CDIN1: variants seen among roughly 807,000 people sequenced by gnomAD.
The protein encoded by CDIN1 is CDAN1 interacting nuclease 1.
In CDIN1, 33 loss-of-function variants were observed where a neutral mutation model predicts 45.3. That is an observed-to-expected ratio of 0.73 (90% CI 0.55 to 0.97). The LOEUF is 0.97. Among genes scored for constraint, CDIN1 ranks in the 50% least tolerant of loss-of-function variants. The pLI is 0.00. For synonymous variants in CDIN1, 118 were observed against 124.4 expected (o/e 0.95, Z 0.34); for missense variants, 303 against 339.4 (o/e 0.89, Z 0.84).
intron 1 of CDIN1, among the ~76,000 whole-genome samples, chr15:36,601,728 C>G (rs1326268058): frequency 6.6e-6 from 1 of 152,210 alleles, no homozygotes; most frequent in African/African-American, 2.4e-5. Flanking sequence ...TTGGCCTTCT[C>G]TGGGACTGGA....
intron 10 of CDIN1, among the ~76,000 whole-genome samples, chr15:36,800,750 G>A (rs761208823): frequency 2.0e-5 from 3 of 148,492 alleles, no homozygotes; most frequent in African/African-American, 4.9e-5. Context: ...TGAAACAATC[G>A]ACTTCCAACA....
intron 5 of CDIN1, among the ~76,000 whole-genome samples, chr15:36,679,513 T>C (rs1042697386): frequency 4.6e-5 from 7 of 152,208 alleles, no homozygotes; most frequent in African/African-American, 1.7e-4. Context: ...ACCAAGTCTG[T>C]CTGATTCTAG....
Position 36,697,309 on chromosome 15 carries a change from C to G in CDIN1, c.477-14C>G, listed in dbSNP as rs1170795441. On this transcript the variant is annotated splice_polypyrimidine_tract_variant and intron_variant, in intron 7 of 10. Coordinates refer to ENST00000566621, the MANE Select transcript of CDIN1 (RefSeq NM_001321759.2). ...AATTCTGCCTGTGTTACCCCCTTAA[C>G]TGAAACTTCCCAGTGCCATTGGTCA... The G allele has an allele frequency of 6.2e-7, 1 of 1,612,138 alleles. No homozygotes were observed. The highest frequency in any genetic ancestry group is 1.3e-5 in the African/African-American group (1 of 74,784).
intron 10 of CDIN1, among the ~76,000 whole-genome samples, chr15:36,720,941 T>C (rs1391730815): frequency 6.6e-6 from 1 of 152,202 alleles, no homozygotes; most frequent in East Asian, 1.9e-4. Context: ...CAGCATCTGT[T>C]GTTTCCTGAC....
At chr15:36,714,481 A>G (rs1437903216) in intron 10 of CDIN1, among the ~76,000 whole-genome samples, 4 of 152,174 alleles carry the variant, frequency 2.6e-5, no homozygotes, top group East Asian at 1.9e-4. Context: ...CTTATATACT[A>G]TGTGTCTAAA....
intron 10 of CDIN1, among the ~76,000 whole-genome samples, chr15:36,774,249 T>C (rs2054162388): frequency 6.6e-6 from 1 of 152,044 alleles, no homozygotes; most frequent in Non-Finnish European, 1.5e-5. Flanking sequence ...GAAGGGTCAC[T>C]AGTCCTCCTC....
chr15:36,727,691 A>T (rs2043687312), intron 10 of CDIN1, among the ~76,000 whole-genome samples: 1 of 152,216 alleles, frequency 6.6e-6, no homozygotes, highest in South Asian at 2.1e-4. Context: ...GGCATCCAGT[A>T]AATTTTTCAT....
At chr15:36,680,564 G>A (rs1191834932) in intron 5 of CDIN1, among the ~76,000 whole-genome samples, 1 of 152,124 alleles carries the variant, frequency 6.6e-6, no homozygotes. Context: ...GAAAGAACCT[G>A]TATTCAGAAT....
chr15:36,677,855 T>A (rs1160612688), intron 5 of CDIN1, among the ~76,000 whole-genome samples: 6 of 152,156 alleles, frequency 3.9e-5, no homozygotes, highest in Non-Finnish European at 7.4e-5. Flanking sequence ...ATTCAGTATA[T>A]TCATAGCATT....
chr15:36,647,192 T>TA (rs112118589), intron 3 of CDIN1, among the ~76,000 whole-genome samples: 13,793 of 148,352 alleles, frequency 0.093, 706 homozygotes, highest in Middle Eastern at 0.12. Flanking sequence ...GCCAGCTAAT[T>TA]AAAAAAAAAA....
intron 10 of CDIN1, among the ~76,000 whole-genome samples, chr15:36,800,297 G>C (rs2054968014): frequency 6.6e-6 from 1 of 152,088 alleles, no homozygotes; most frequent in Non-Finnish European, 1.5e-5. Context: ...TGCAAATACA[G>C]ACCTGGCAAG....
intron 1 of CDIN1, among the ~76,000 whole-genome samples, chr15:36,584,460 C>T (rs531034084): frequency 2.6e-5 from 4 of 152,266 alleles, no homozygotes; most frequent in East Asian, 1.9e-4. Context: ...AAAAAGCAAA[C>T]AATAACAAAT....
rs577706907 is a variant in CDIN1, at chr15:36,646,827, G to A, written c.212+1540G>A. Among the ~76,000 whole-genome samples the A allele has an allele frequency of 7.9e-5, 12 of 152,144 alleles. No homozygotes were observed. The East Asian group carries it at 2.3e-3, about 29-fold the overall frequency. On this transcript the variant is annotated intron_variant, in intron 3 of 10. Coordinates refer to ENST00000566621, the MANE Select transcript of CDIN1 (RefSeq NM_001321759.2). ...CTGGAAATTCGGAGATCCACTGACA[G>A]GTAATGGGGCTGCCTTCTGATACTC...
rs565644744 is a variant in CDIN1, at chr15:36,713,827, T to C, written c.716+3866T>C. Among the ~76,000 whole-genome samples the C allele has an allele frequency of 3.3e-5, 5 of 152,276 alleles. No individual in the cohort carries two copies. In the South Asian group the frequency reaches 1.0e-3, roughly 32 times the overall value. ...TGAGAAACCTTCCTGCCTTCTAGGA[T>C]TGGGTTTGATGCGCCTCCTGCGTTT... On this transcript the variant is annotated intron_variant, in intron 10 of 10. Coordinates refer to ENST00000566621, the MANE Select transcript of CDIN1 (RefSeq NM_001321759.2).
intron 10 of CDIN1, among the ~76,000 whole-genome samples, chr15:36,793,505 A>G (rs2054702311): frequency 2.0e-5 from 3 of 152,200 alleles, no homozygotes; most frequent in Admixed American, 1.3e-4. Flanking sequence ...TTTTTGGGGG[A>G]TTAGATAAAT....
chr15:36,640,375 G>A (rs1235313231), intron 1 of CDIN1, among the ~76,000 whole-genome samples: 1 of 152,130 alleles, frequency 6.6e-6, no homozygotes, highest in Non-Finnish European at 1.5e-5. Flanking sequence ...GTTTAGAGAG[G>A]TTGTGCCTAG....
chr15:36,698,457 A>G, intron 8 of CDIN1, among the ~76,000 whole-genome samples: 1 of 152,196 alleles, frequency 6.6e-6, no homozygotes, highest in East Asian at 1.9e-4. Flanking sequence ...AAGGTTTTTC[A>G]TATGGGGACA....
At chr15:36,702,321 C>T (rs952849968) in intron 8 of CDIN1, among the ~76,000 whole-genome samples, 8 of 152,180 alleles carry the variant, frequency 5.3e-5, no homozygotes, top group Non-Finnish European at 1.2e-4. Context: ...TTCTTACTTA[C>T]TCCCCTTATT....
At chr15:36,679,933 C>T (rs1296640130) in intron 5 of CDIN1, among the ~76,000 whole-genome samples, 3 of 152,170 alleles carry the variant, frequency 2.0e-5, no homozygotes, top group African/African-American at 7.2e-5. Context: ...TCCACTGAGC[C>T]AAGGCCAAAT....
Sources: gnomAD v4.1 joint callset for allele counts (sites outside exome capture counted in the v4.1 genomes callset) on GRCh38, gnomAD v4.1.1 for gene constraint, MANE v1.5 for transcripts, NCBI Gene and HGNC (gene_info 2026-07-23, HGNC 2026-07-21) for gene names.